The following LAMA2 variants were observed in gnomAD, a reference collection of about 807,000 sequenced individuals.
LAMA2 encodes laminin subunit alpha-2.
LAMA2 carries 269 observed loss-of-function variants against 364.8 expected under a neutral mutation model. The ratio of observed to expected loss-of-function variants is 0.74; its 90% CI spans 0.67 to 0.82. The LOEUF is 0.82. Among genes scored for constraint, LAMA2 ranks in the 40% least tolerant of loss-of-function variants. The pLI is 0.00. For missense variants in LAMA2, 3,807 were observed against 3,873.2 expected, an observed-to-expected ratio of 0.98 and a Z score of 0.45; for synonymous variants, 1,379 against 1,370.6, an observed-to-expected ratio of 1.01 and a Z score of -0.14.
At chr6:129,191,326 G>A (rs1183574645) in intron 11 of LAMA2, among the ~76,000 whole-genome samples, 1 of 152,190 alleles carries the variant, frequency 6.6e-6, no homozygotes, top group African/African-American at 2.4e-5. Context: ...TCTGCCTGCA[G>A]TGCTTTTAAG....
chr6:129,290,684 A>G (rs1295842652), intron 19 of LAMA2, among the ~76,000 whole-genome samples: 1 of 152,156 alleles, frequency 6.6e-6, no homozygotes, highest in Non-Finnish European at 1.5e-5. Flanking sequence ...ATGCAATTAT[A>G]TGTACCATTA....
At chr6:129,046,576 G>A (rs533871262) in intron 1 of LAMA2, among the ~76,000 whole-genome samples, 4 of 152,260 alleles carry the variant, frequency 2.6e-5, no homozygotes, top group African/African-American at 7.2e-5. Flanking sequence ...GATTACAGGC[G>A]CTACAATTCA....
intron 1 of LAMA2, among the ~76,000 whole-genome samples, chr6:129,030,713 G>T (rs549273708): frequency 1.3e-5 from 2 of 152,186 alleles, no homozygotes; most frequent in African/African-American, 4.8e-5. Context: ...TAGAAGACCA[G>T]ATAAACTAGA....
chr6:129,239,979 T>C (rs1179006853), intron 12 of LAMA2, among the ~76,000 whole-genome samples: 3 of 152,198 alleles, frequency 2.0e-5, no homozygotes, highest in African/African-American at 7.2e-5. Flanking sequence ...GAAAGCCAGT[T>C]CGATTCCCAG....
At chr6:129,464,129 C>T (rs1040431850) in intron 49 of LAMA2, among the ~76,000 whole-genome samples, 161 bp from the exon 50 acceptor site, 17 of 151,950 alleles carry the variant, frequency 1.1e-4, no homozygotes, top group African/African-American at 2.9e-4. Flanking sequence ...TATTCTAGCA[C>T]GGTGGCAGTA....
chr6:129,455,222 A>G (rs1391456234), intron 47 of LAMA2, among the ~76,000 whole-genome samples: 1 of 152,082 alleles, frequency 6.6e-6, no homozygotes, highest in Non-Finnish European at 1.5e-5. Flanking sequence ...CAGCCTGGGC[A>G]ACATAGCAAG....
chr6:129,145,250 G>A (rs936297750), intron 5 of LAMA2, among the ~76,000 whole-genome samples: 6 of 151,992 alleles, frequency 3.9e-5, no homozygotes, highest in Admixed American at 1.3e-4. Flanking sequence ...TTCTTTCCTC[G>A]TTACTTAACT....
At chr6:128,989,375 A>T (rs888969704) in intron 1 of LAMA2, among the ~76,000 whole-genome samples, 1 of 152,216 alleles carries the variant, frequency 6.6e-6, no homozygotes, top group African/African-American at 2.4e-5. Flanking sequence ...ACATATGCTA[A>T]TGTATAAAAC....
At chr6:129,015,881 G>A (rs893863142) in intron 1 of LAMA2, among the ~76,000 whole-genome samples, 9 of 151,926 alleles carry the variant, frequency 5.9e-5, no homozygotes, top group African/African-American at 1.7e-4. Context: ...AATGGAAACC[G>A]TGAGGTACAA....
intron 32 of LAMA2, among the ~76,000 whole-genome samples, chr6:129,356,474 A>G (rs1402748556): frequency 6.6e-6 from 1 of 152,108 alleles, no homozygotes; most frequent in Non-Finnish European, 1.5e-5. Context: ...TCATTCTTGT[A>G]ACATTCCCAT....
At chr6:128,908,016 G>C (rs1423154449) in intron 1 of LAMA2, among the ~76,000 whole-genome samples, 59 of 151,922 alleles carry the variant, frequency 3.9e-4, no homozygotes, top group Admixed American at 2.3e-3. Flanking sequence ...GCTTTTTGAT[G>C]TGCTGCTGGA....
chr6:129,369,932 A>C lies in LAMA2; in HGVS notation c.4901A>C (p.Gln1634Pro). Reference sequence around the variant, plus strand: ...CAGCGGGCCCCAGAGAGGCTTATTCAGCTGGCAGAGGGCAATCTGAATACA... The same window carrying C: ...CAGCGGGCCCCAGAGAGGCTTATTCCGCTGGCAGAGGGCAATCTGAATACA... ...SPQRAPERLI[Q>P]LAEGNLNTLV... Residue 1634 changes from glutamine to proline, a missense_variant, in exon 34 of 65, where the codon CAG becomes CCG. Physicochemically the swap from Gln to Pro is moderately conservative, Grantham distance 76. Around this residue, in one of 3 missense-constraint regions of LAMA2, gnomAD observed 3,333 missense variants for 3,345.7 expected, o/e 1.00. Coordinates refer to ENST00000421865, the MANE Select transcript of LAMA2 (RefSeq NM_000426.4). 6.2e-7 allele frequency: 1 copy of C among 1,614,134 alleles called. No homozygotes were observed. The highest frequency in any genetic ancestry group is 8.5e-7 in the Non-Finnish European group (1 of 1,179,992).
intron 1 of LAMA2, among the ~76,000 whole-genome samples, chr6:128,959,023 A>G (rs1781318993): frequency 6.6e-6 from 1 of 152,190 alleles, no homozygotes; most frequent in African/African-American, 2.4e-5. Context: ...TAATGCTAAC[A>G]TTGTTAAAAC....
intron 1 of LAMA2, among the ~76,000 whole-genome samples, chr6:128,885,306 A>T (rs983428763): frequency 1.3e-5 from 2 of 152,224 alleles, no homozygotes; most frequent in Non-Finnish European, 2.9e-5. Flanking sequence ...TTTATGATTT[A>T]AAAATGCCTT....
intron 29 of LAMA2, among the ~76,000 whole-genome samples, chr6:129,336,402 A>G (rs1775959377): frequency 6.6e-6 from 1 of 152,234 alleles, no homozygotes; most frequent in Admixed American, 6.5e-5. Context: ...CCAGTAAAAT[A>G]TCAAGTTTAT....
intron 4 of LAMA2, 64 bp downstream of exon 4, chr6:129,098,479 C>T (rs1775320168): frequency 3.2e-6 from 5 of 1,546,924 alleles, no homozygotes; most frequent in East Asian, 4.5e-5. Flanking sequence ...GTCAGAAAGA[C>T]CTGAATATAT....
At chr6:128,979,857 C>CT (rs1312804814) in intron 1 of LAMA2, among the ~76,000 whole-genome samples, 1 of 152,138 alleles carries the variant, frequency 6.6e-6, no homozygotes, top group East Asian at 1.9e-4. Context: ...TCTCAGAAAA[C>CT]TTTTTTATGC....
At chr6:129,395,518 G>A (rs1248230113) in intron 37 of LAMA2, among the ~76,000 whole-genome samples, 1 of 152,160 alleles carries the variant, frequency 6.6e-6, no homozygotes, top group Non-Finnish European at 1.5e-5. Context: ...GAAACTCTGA[G>A]AATGGGGCCC....
intron 12 of LAMA2, among the ~76,000 whole-genome samples, chr6:129,236,070 G>C (rs1270129842): frequency 1.3e-5 from 2 of 152,030 alleles, no homozygotes; most frequent in Admixed American, 6.6e-5. Flanking sequence ...TTTAAGTCAG[G>C]GAATTTTAGA....
Sources: allele counts gnomAD v4.1 joint callset (sites outside exome capture counted in the v4.1 genomes callset), GRCh38; gene constraint gnomAD v4.1.1; regional missense constraint gnomAD v4.1.1; transcripts MANE v1.5; gene names NCBI Gene and HGNC (gene_info 2026-07-23, HGNC 2026-07-21).